The following PAX2 variants were observed in gnomAD, a reference collection of about 807,000 sequenced individuals.
PAX2 encodes paired box 2, also known as paired box protein Pax-2.
A neutral mutation model predicts 41.7 loss-of-function variants in PAX2; 9 were observed. The ratio of observed to expected loss-of-function variants is 0.22; its 90% CI spans 0.13 to 0.38. PAX2 has a LOEUF of 0.38. Ranked by LOEUF, PAX2 falls within the 10% of genes least tolerant of loss-of-function variation. PAX2 has a pLI of 1.00. For missense variants in PAX2, 418 were observed against 531.6 expected (o/e 0.79, Z 2.10); for synonymous variants, 221 against 212.7 (o/e 1.04, Z -0.34).
chr10:100,808,405 G>T (rs1847872257), intron 6 of PAX2, among the ~76,000 whole-genome samples: 1 of 152,166 alleles, frequency 6.6e-6, no homozygotes, highest in South Asian at 2.1e-4. Context: ...TTAATTTAAC[G>T]TAATATTAAT....
intron 3 of PAX2, among the ~76,000 whole-genome samples, chr10:100,771,842 C>T (rs945843043): frequency 6.6e-6 from 1 of 151,960 alleles, no homozygotes; most frequent in African/African-American, 2.4e-5. Context: ...CAGTCTCGCT[C>T]TGTTGCCGAG....
intron 5 of PAX2, among the ~76,000 whole-genome samples, chr10:100,782,615 TG>T (rs1405378872): frequency 2.0e-5 from 3 of 152,262 alleles, no homozygotes; most frequent in Non-Finnish European, 4.4e-5. Flanking sequence ...AGTGATGACC[TG>T]GCGCTGGCCT....
chr10:100,760,033 G>T (rs1490900580), intron 3 of PAX2, among the ~76,000 whole-genome samples: 1 of 152,174 alleles, frequency 6.6e-6, no homozygotes, highest in African/African-American at 2.4e-5. Flanking sequence ...CAGAAGCTTT[G>T]ATCCTGATTT....
At chr10:100,743,206 C>A (rs1277024427), upstream of PAX2, among the ~76,000 whole-genome samples, 1 of 152,122 alleles carries the variant, frequency 6.6e-6, no homozygotes, top group East Asian at 1.9e-4. Flanking sequence ...GGGAATGGGA[C>A]TATCAGAAGG....
rs36041109 is a variant in PAX2 at position 100,783,659 on chromosome 10, C to CTTTT, written c.616+2310_616+2313dup. On this transcript the variant is annotated intron_variant, in intron 5 of 9. Coordinates refer to ENST00000355243, the MANE Select transcript of PAX2 (RefSeq NM_000278.5). ...GTCTAGACCATAGAAGGAGTTTGGG[C>CTTTT]TTTTTTTTTTTTTTTTTTTCTGAAA... 1.4e-3 allele frequency among the ~76,000 whole-genome samples: 162 copies of CTTTT among 118,446 alleles called. 1 individual carries two copies. Among genetic ancestry groups the CTTTT allele is most frequent in the African/African-American group, 5.1e-3 (156 of 30,888 alleles). The allele number at this position is 118,446 out of a possible 152,430, so 77.7% of individuals were successfully genotyped here.
chr10:100,806,456 G>A lies in PAX2; in HGVS notation c.643G>A (p.Gly215Arg). Residue 215 changes from glycine (G) to arginine (R), a missense_variant, in exon 6 of 10, where the codon GGA (glycine) becomes AGA (arginine). This residue lies in a region of PAX2 where 310 missense variants were observed against 325.2 expected (regional missense o/e 0.95). Coordinates refer to ENST00000355243, the MANE Select transcript of PAX2 (RefSeq NM_000278.5). ...EDVSEGSVPN[G>R]DSQSGVDSLR... ...TGTGTCTGAGGGCTCAGTCCCCAAT[G>A]GAGATTCCCAGAGTGGTGTGGACAG... is the stretch of plus-strand genomic sequence containing the variant. The A allele has an allele frequency of 1.2e-6, 2 of 1,614,228 alleles. No individual in the cohort carries two copies. The highest frequency in any genetic ancestry group is 1.7e-6 in the Non-Finnish European group (2 of 1,180,040).
At chr10:100,742,434 CT>C (rs539977695), upstream of PAX2, among the ~76,000 whole-genome samples, 959 of 151,916 alleles carry the variant, frequency 6.3e-3, 2 homozygotes, top group South Asian at 0.017. Context: ...CCGGCAGTAG[CT>C]CGGCCTGGAG....
intron 7 of PAX2, among the ~76,000 whole-genome samples, chr10:100,818,057 C>A (rs1848247875): frequency 6.6e-6 from 1 of 152,142 alleles, no homozygotes; most frequent in Admixed American, 6.5e-5. Flanking sequence ...AGACTGCCAG[C>A]CTTGAAGAAA....
At chr10:100,743,427 G>A (rs1417315245), upstream of PAX2, among the ~76,000 whole-genome samples, 1 of 53,068 alleles carries the variant, frequency 1.9e-5, no homozygotes, top group Non-Finnish European at 3.9e-5. Context: ...TGTGTGGAAG[G>A]GGGGGGGTTT....
At position 100,746,346 on chromosome 10, in the gene PAX2, C is replaced by A. The variant is rs4405241; in HGVS notation, c.43+43C>A. ...GCTCCTGTCCCGGCTCGGGGCTCTCCGTCCCAACCCTGTCCAGTCCCAGCG... is the reference window on the plus strand; with the variant it reads ...GCTCCTGTCCCGGCTCGGGGCTCTCAGTCCCAACCCTGTCCAGTCCCAGCG... On this transcript the variant is annotated intron_variant, in intron 1 of 9. Transcript: ENST00000355243. 592,346 of 1,378,062 alleles carry A rather than the reference C, an allele frequency of 0.43. 137,408 individuals are homozygous for A. Among genetic ancestry groups the A allele is most frequent in the East Asian group, 0.97 (42,455 of 43,884 alleles). 85.4% of individuals were successfully genotyped at this position (1,378,062 alleles called of 1,614,324 possible). A position where few individuals can be genotyped will look rare whatever the true frequency, so the allele number is the denominator to read the frequency against.
chr10:100,809,196 C>A lies in PAX2; in HGVS notation c.879C>A (p.Gly293=). ...CTGCATCCACCAACCCTGAGCTGGG[C>A]AGCAACGTGTCAGGCACACAGACAT... The part of the protein sequence containing the change: ...SLSASTNPEL[G]SNVSGTQTYP... Residue 293 remains glycine, a synonymous_variant, in exon 7 of 10, where the codon GGC becomes GGA. Coordinates refer to ENST00000355243, the MANE Select transcript of PAX2 (RefSeq NM_000278.5). 1.2e-6 allele frequency: 2 copies of A among 1,613,954 alleles called. No individual in the cohort carries two copies. Among genetic ancestry groups the A allele is most frequent in the South Asian group, 1.1e-5 (1 of 91,076 alleles).
chr10:100,760,988 TGG>T (rs1048747495), intron 3 of PAX2, among the ~76,000 whole-genome samples: 16 of 152,230 alleles, frequency 1.1e-4, no homozygotes, highest in African/African-American at 2.4e-4. Flanking sequence ...TGACTGGGGT[TGG>T]GACTCGGGTT....
intron 1 of PAX2, among the ~76,000 whole-genome samples, chr10:100,739,207 T>C (rs371151233): frequency 5.7e-4 from 87 of 152,188 alleles, no homozygotes; most frequent in African/African-American, 1.9e-3. Context: ...ACGACGCCCC[T>C]TTCCTCGGGT....
intron 1 of PAX2, among the ~76,000 whole-genome samples, chr10:100,739,741 G>C (rs1844889022): frequency 6.6e-6 from 1 of 152,230 alleles, no homozygotes; most frequent in Admixed American, 6.5e-5. Flanking sequence ...GATGACTGTG[G>C]AGGTAACGCC....
rs79552202 is a variant in PAX2 at position 100,806,614 on chromosome 10, G to A, written c.792+9G>A. ...ACATCAAATCAGAACAGGTGAGGAG[G>A]GAGCTTTCTGCTTGCAGAAGTAGAA... On this transcript the variant is annotated intron_variant, in intron 6 of 9. Transcript: ENST00000355243. 0.014 allele frequency: 23,285 copies of A among 1,612,816 alleles called. 217 individuals carry two copies. The highest frequency in any genetic ancestry group is 0.017 in the Non-Finnish European group (20,635 of 1,179,588).
chr10:100,776,470 C>G (rs1282028140), intron 3 of PAX2, among the ~76,000 whole-genome samples: 1 of 152,222 alleles, frequency 6.6e-6, no homozygotes, highest in Admixed American at 6.5e-5. Context: ...TATCTTGGTT[C>G]TGCCATTTCC....
chr10:100,826,016 C>T lies in PAX2; in HGVS notation c.1022-993C>T, dbSNP rs1848547217. On this transcript the variant is annotated intron_variant, in intron 8 of 9. Transcript: ENST00000355243. This position sits in a 1 kb window ranked among gnomAD's most constrained non-coding sequence, Gnocchi z 5.5. Reference sequence around the variant, plus strand: ...TGGGGAAGAGGGGAGCCGCAGAGAGCTCGTGGTGTCGAGGGGGGAGTCGTT... The same window carrying T: ...TGGGGAAGAGGGGAGCCGCAGAGAGTTCGTGGTGTCGAGGGGGGAGTCGTT... 6.6e-6 allele frequency among the ~76,000 whole-genome samples: 1 copy of T among 151,592 alleles called. No homozygotes were observed. The highest frequency in any genetic ancestry group is 2.1e-4 in the South Asian group (1 of 4,772).
At chr10:100,741,161 C>T (rs1844936969), upstream of PAX2, among the ~76,000 whole-genome samples, 1 of 152,128 alleles carries the variant, frequency 6.6e-6, no homozygotes, top group African/African-American at 2.4e-5. Context: ...CGCCTGGACT[C>T]CACAGGACCA....
intron 7 of PAX2, 142 bp downstream of exon 7, chr10:100,809,378 C>T: frequency 1.2e-6 from 1 of 837,222 alleles, no homozygotes. Flanking sequence ...CAGGGTGCTT[C>T]CTGAACAGGG....
Sources: allele counts gnomAD v4.1 joint callset (sites outside exome capture counted in the v4.1 genomes callset), GRCh38; gene constraint gnomAD v4.1.1; regional missense constraint gnomAD v4.1.1; non-coding constraint Gnocchi (gnomAD v3.1); transcripts MANE v1.5; gene names NCBI Gene and HGNC (gene_info 2026-07-23, HGNC 2026-07-21).